RASA1: variants seen among roughly 807,000 people sequenced by gnomAD.
RASA1 encodes the protein RAS p21 protein activator 1.
In RASA1, 25 loss-of-function variants were observed where a neutral mutation model predicts 132.2. The observed-to-expected ratio is 0.19, with a 90% CI of 0.14 to 0.26. The LOEUF (loss-of-function observed/expected upper bound fraction) is 0.26. Ranked by LOEUF, RASA1 falls within the 10% of genes least tolerant of loss-of-function variation. The pLI, the probability that RASA1 is intolerant of heterozygous loss-of-function variation, is 1.00. For synonymous variants in RASA1, 477 were observed against 449.9 expected (o/e 1.06, Z -0.76); for missense variants, 964 against 1,299.2 (o/e 0.74, Z 3.97).
At chr5:87,304,875 A>G (rs913318972) in intron 1 of RASA1, among the ~76,000 whole-genome samples, 6 of 130,758 alleles carry the variant, frequency 4.6e-5, no homozygotes, top group Admixed American at 1.5e-4. Flanking sequence ...CTGCATTTCC[A>G]TTCTTTCCTG....
chr5:87,269,295 C>T, intron 1 of RASA1: 1 of 1,536,156 alleles, frequency 6.5e-7, no homozygotes, highest in Non-Finnish European at 8.7e-7. Flanking sequence ...GAGGTGGTGT[C>T]CCAGAATTTA....
chr5:87,341,310 T>G lies in RASA1; in HGVS notation c.1038T>G (p.His346Gln), dbSNP rs1360952124. The change falls in exon 6 of 25, where the codon CAT (histidine) becomes CAG (glutamine). Residue 346 changes from histidine to glutamine, a missense_variant. Physicochemically the swap from His to Gln is conservative, Grantham distance 24. Around this residue, in one of 6 missense-constraint regions of RASA1, gnomAD observed 154 missense variants for 286.5 expected, o/e 0.54. Transcript: ENST00000274376. ...TTTAGGGCCGGGAAGAAGATCCACA[T>G]GAAGGAAAAATGTGAGTTTGTGTTA... is the stretch of plus-strand genomic sequence containing the variant. ...VEEVGREEDP[H>Q]EGKIWFHGKI... 7.4e-7 allele frequency: 1 copy of G among 1,355,242 alleles called. No individual in the cohort carries two copies. Among genetic ancestry groups the G allele is most frequent in the Non-Finnish European group, 9.6e-7 (1 of 1,046,096 alleles). The allele number at this position is 1,355,242 out of a possible 1,614,324, so 84.0% of individuals were successfully genotyped here. A position where few individuals can be genotyped will look rare whatever the true frequency, so the allele number is the denominator to read the frequency against.
At chr5:87,340,423 T>G (rs1022704430) in intron 5 of RASA1, among the ~76,000 whole-genome samples, 3 of 152,100 alleles carry the variant, frequency 2.0e-5, no homozygotes, top group Non-Finnish European at 4.4e-5. Context: ...TTTATAGTTT[T>G]TTTTTTTAAG....
Position 87,307,997 on chromosome 5 carries a change from A to G in RASA1, c.540-23351A>G, listed in dbSNP as rs997154364. On this transcript the variant is annotated intron_variant, in intron 1 of 24. Coordinates refer to ENST00000274376, the MANE Select transcript of RASA1 (RefSeq NM_002890.3). The stretch of plus-strand genomic sequence containing the variant: ...AAACTTTTGAATACTGCAGTTTGCT[A>G]TGCAGTCTTTCCTTAGCTTCTTATC... Among the ~76,000 whole-genome samples, 3 of 152,294 alleles carry G rather than the reference A, an allele frequency of 2.0e-5. No individual in the cohort carries two copies. In the South Asian group the frequency reaches 6.2e-4, roughly 32 times the overall value.
chr5:87,331,841 T>A (rs72783704), intron 2 of RASA1, among the ~76,000 whole-genome samples: 1 of 152,312 alleles, frequency 6.6e-6, no homozygotes, highest in Non-Finnish European at 1.5e-5. Context: ...GGAAACCCTG[T>A]TTAAAACTCA....
chr5:87,383,085 C>G (rs1761833276), intron 20 of RASA1, among the ~76,000 whole-genome samples: 1 of 152,132 alleles, frequency 6.6e-6, no homozygotes, highest in Non-Finnish European at 1.5e-5. Flanking sequence ...CAGAACAAAA[C>G]CCTATCTCAA....
At chr5:87,270,368 G>C (rs1207120426) in intron 1 of RASA1, among the ~76,000 whole-genome samples, 1 of 148,060 alleles carries the variant, frequency 6.8e-6, no homozygotes, top group African/African-American at 2.5e-5. Context: ...CCACCCCAGA[G>C]ATGGAGTCTC....
chr5:87,281,801 G>C (rs746842065), intron 1 of RASA1, among the ~76,000 whole-genome samples: 3 of 152,204 alleles, frequency 2.0e-5, no homozygotes, highest in Admixed American at 6.5e-5. Context: ...GGATGGTCTT[G>C]AACTCCTGAC....
intron 1 of RASA1, among the ~76,000 whole-genome samples, chr5:87,297,226 C>A (rs997721715): frequency 3.9e-5 from 6 of 152,150 alleles, no homozygotes; most frequent in Non-Finnish European, 8.8e-5. Flanking sequence ...TTAAAAAATT[C>A]CCAGTCTGGT....
rs1762476616 is a variant in RASA1 at position 87,391,043 on chromosome 5, A to G, written c.*160A>G. ...AAAATCCAAGATTCTGCTGGTGAATAACTATGCCAGCAACCTTGTAAGCTA... is the reference window on the plus strand; with the variant it reads ...AAAATCCAAGATTCTGCTGGTGAATGACTATGCCAGCAACCTTGTAAGCTA... On this transcript the variant is annotated 3_prime_UTR_variant, in exon 25 of 25. Coordinates refer to ENST00000274376, the MANE Select transcript of RASA1 (RefSeq NM_002890.3). 1.3e-6 allele frequency: 1 copy of G among 748,526 alleles called. No individual in the cohort carries two copies. Among genetic ancestry groups the G allele is most frequent in the Non-Finnish European group, 2.4e-6 (1 of 424,508 alleles). The allele number at this position is 748,526 out of a possible 1,614,324, so 46.4% of individuals were successfully genotyped here. A position where few individuals can be genotyped will look rare whatever the true frequency, so the allele number is the denominator to read the frequency against.
intron 1 of RASA1, chr5:87,269,347 T>C (rs909497969): frequency 6.6e-6 from 10 of 1,510,500 alleles, no homozygotes; most frequent in Non-Finnish European, 8.9e-6. Flanking sequence ...GTATATTAAC[T>C]TGTGTGTGTT....
intron 1 of RASA1, among the ~76,000 whole-genome samples, chr5:87,276,300 G>A (rs959690466): frequency 2.6e-5 from 4 of 152,166 alleles, no homozygotes; most frequent in African/African-American, 9.7e-5. Flanking sequence ...ACTGAATACG[G>A]ATGTTGTTTA....
chr5:87,271,243 C>A (rs1371020969), intron 1 of RASA1, among the ~76,000 whole-genome samples: 1 of 151,550 alleles, frequency 6.6e-6, no homozygotes, highest in African/African-American at 2.4e-5. Context: ...CGTCTCAAAA[C>A]AAACAAACAA....
At chr5:87,304,672 T>C (rs1486843920) in intron 1 of RASA1, among the ~76,000 whole-genome samples, 1 of 152,094 alleles carries the variant, frequency 6.6e-6, no homozygotes, top group Non-Finnish European at 1.5e-5. Context: ...TTCACCATGT[T>C]GGGGAGGCTG....
At chr5:87,333,145 T>C in intron 3 of RASA1, 122 bp from the exon 4 acceptor site, 11 of 1,415,316 alleles carry the variant, frequency 7.8e-6, no homozygotes, top group South Asian at 1.5e-5. Flanking sequence ...AGTAAAAATT[T>C]ATTTGAATGA....
At chr5:87,319,224 A>C (rs960674392) in intron 1 of RASA1, among the ~76,000 whole-genome samples, 2 of 152,218 alleles carry the variant, frequency 1.3e-5, no homozygotes, top group Non-Finnish European at 2.9e-5. Context: ...ACACAGTGCA[A>C]GCTGTCAGTG....
At chr5:87,336,648 A>G (rs1051697882) in intron 4 of RASA1, among the ~76,000 whole-genome samples, 1 of 152,176 alleles carries the variant, frequency 6.6e-6, no homozygotes, top group African/African-American at 2.4e-5. Context: ...TATAGCAACA[A>G]CAATGAAACT....
chr5:87,289,707 TTCAAGCGATCTTCCCA>T (rs1402784928), intron 1 of RASA1, among the ~76,000 whole-genome samples: 4 of 152,080 alleles, frequency 2.6e-5, no homozygotes, highest in African/African-American at 9.7e-5. Flanking sequence ...ACCTCCCAGG[TTCAAGCGATCTTCCCA>T]CCTCAGCCTT....
intron 14 of RASA1, among the ~76,000 whole-genome samples, 180 bp from the exon 15 acceptor site, chr5:87,374,660 T>C (rs1158810997): frequency 6.6e-6 from 1 of 151,836 alleles, no homozygotes; most frequent in Non-Finnish European, 1.5e-5. Flanking sequence ...GAAAAGTGTG[T>C]AATCTGCGTG....
Sources: gnomAD v4.1 joint callset for allele counts (sites outside exome capture counted in the v4.1 genomes callset) on GRCh38, gnomAD v4.1.1 for gene constraint, gnomAD v4.1.1 regional missense constraint, MANE v1.5 for transcripts, NCBI Gene and HGNC (gene_info 2026-07-23, HGNC 2026-07-21) for gene names.